The following CD83 variants were observed in gnomAD, a reference collection of about 807,000 sequenced individuals.
The protein encoded by CD83 is CD83 antigen.
In CD83, 22 loss-of-function variants were observed where a neutral mutation model predicts 24.6. The observed-to-expected ratio is 0.90, with a 90% CI of 0.64 to 1.28. The LOEUF is 1.28. Ranked by LOEUF, CD83 falls within the 50% of genes most tolerant of loss-of-function variation. The pLI, the probability that CD83 is intolerant of heterozygous loss-of-function variation, is 0.00. For missense variants in CD83, 253 were observed against 252.8 expected (o/e 1.00, Z -0.01); for synonymous variants, 101 against 103.5 (o/e 0.98, Z 0.14).
rs562968873 is a variant in CD83, at chr6:14,126,970, T to C, written c.154-4550T>C. Among the ~76,000 whole-genome samples, 8 of 152,080 alleles carry C rather than the reference T, an allele frequency of 5.3e-5. No homozygotes were observed. In the South Asian group the frequency reaches 1.7e-3, roughly 32 times the overall value. On this transcript the variant is annotated intron_variant, in intron 2 of 4. Coordinates refer to ENST00000379153, the MANE Select transcript of CD83 (RefSeq NM_004233.4). ...TTTTAGGTAGGTACCTATTGCACAT[T>C]CCCCCCACCCCTGCTTTTATTTTTT...
intron 2 of CD83, among the ~76,000 whole-genome samples, chr6:14,123,097 T>TG (rs1456706933): frequency 1.3e-5 from 2 of 151,264 alleles, no homozygotes; most frequent in African/African-American, 4.8e-5. Flanking sequence ...TTTGTTTGTT[T>TG]TTGTTTTTTT....
At chr6:14,119,295 A>G (rs1297279070) in intron 2 of CD83, among the ~76,000 whole-genome samples, 1 of 152,200 alleles carries the variant, frequency 6.6e-6, no homozygotes, top group Non-Finnish European at 1.5e-5. Flanking sequence ...GGTGTTAAAT[A>G]TTCCTACTTC....
At chr6:14,122,515 C>T (rs886758929) in intron 2 of CD83, among the ~76,000 whole-genome samples, 1 of 152,144 alleles carries the variant, frequency 6.6e-6, no homozygotes, top group African/African-American at 2.4e-5. Flanking sequence ...ACTTACTGTG[C>T]TTCCTTGATT....
chr6:14,132,688 C>T (rs1757943499), intron 3 of CD83, among the ~76,000 whole-genome samples: 1 of 146,964 alleles, frequency 6.8e-6, no homozygotes. Flanking sequence ...TATTAGGGAC[C>T]ATGAGGACAA....
At chr6:14,132,693 G>A (rs1757943558) in intron 3 of CD83, among the ~76,000 whole-genome samples, 1 of 137,234 alleles carries the variant, frequency 7.3e-6, no homozygotes, top group Non-Finnish European at 1.7e-5. Flanking sequence ...GGGACCATGA[G>A]GACAATGGCT....
chr6:14,121,545 G>C lies in CD83; in HGVS notation c.153+3480G>C, dbSNP rs112138126. 9.4e-3 allele frequency among the ~76,000 whole-genome samples: 1,372 copies of C among 145,228 alleles called. 20 individuals carry two copies. Among genetic ancestry groups the C allele is most frequent in the African/African-American group, 0.031 (1,195 of 39,072 alleles). ...CTGTAATCCCAGCATTTTGGGAGGCGAAGATGGGAGGATCACTTGAGCCCA... is the reference window on the plus strand; with the variant it reads ...CTGTAATCCCAGCATTTTGGGAGGCCAAGATGGGAGGATCACTTGAGCCCA... On this transcript the variant is annotated intron_variant, in intron 2 of 4. Transcript: ENST00000379153.
In CD83 at chr6:14,117,941, T is replaced by C. The variant is rs745623724; in HGVS notation, c.38-9T>C. The C allele has an allele frequency of 2.4e-5, 38 of 1,606,148 alleles. No homozygotes were observed. In the Middle Eastern group the frequency reaches 9.9e-4, roughly 42 times the overall value. Reference sequence around the variant, plus strand: ...CGCTTGCTCACGACGCGCTCTCTCTTTCTTGTAGCCTACAGCCTGGCTCCC... The same window carrying C: ...CGCTTGCTCACGACGCGCTCTCTCTCTCTTGTAGCCTACAGCCTGGCTCCC... On this transcript the variant is annotated splice_polypyrimidine_tract_variant and intron_variant, in intron 1 of 4. Coordinates refer to ENST00000379153, the MANE Select transcript of CD83 (RefSeq NM_004233.4). The surrounding 1 kb of genome is among the most constrained non-coding windows in gnomAD (Gnocchi z 4.6).
chr6:14,125,335 T>C (rs1015148010), intron 2 of CD83, among the ~76,000 whole-genome samples: 1 of 152,220 alleles, frequency 6.6e-6, no homozygotes, highest in African/African-American at 2.4e-5. Context: ...AACCTCTACA[T>C]AGCAGCCAGA....
chr6:14,118,236 C>T (rs1044105735), intron 2 of CD83, among the ~76,000 whole-genome samples, 171 bp downstream of exon 2: 1 of 152,172 alleles, frequency 6.6e-6, no homozygotes, highest in African/African-American at 2.4e-5. Context: ...CCACCCCATC[C>T]GCATCCAGGT....
chr6:14,120,400 A>G lies in CD83; in HGVS notation c.153+2335A>G, dbSNP rs149476847. The stretch of plus-strand genomic sequence containing the variant: ...ATGCCAAAATACTTCATTTTACAGA[A>G]TGTTAAGCATCTGGTCATTTTTCTA... On this transcript the variant is annotated intron_variant, in intron 2 of 4. Transcript: ENST00000379153. Among the ~76,000 whole-genome samples, 9 of 152,348 alleles carry G rather than the reference A, an allele frequency of 5.9e-5. No individual in the cohort carries two copies. In the East Asian group the frequency reaches 1.5e-3, roughly 26 times the overall value.
intron 2 of CD83, among the ~76,000 whole-genome samples, chr6:14,124,237 A>G (rs1243667916): frequency 6.6e-6 from 1 of 152,226 alleles, no homozygotes; most frequent in Non-Finnish European, 1.5e-5. Flanking sequence ...TTGGAGGACC[A>G]GTCTACTGCA....
rs768117958 is a variant in CD83, at chr6:14,133,774, C to G, written c.489+19C>G. The G allele has an allele frequency of 8.1e-6, 12 of 1,478,672 alleles. No individual in the cohort carries two copies. The Admixed American group carries it at 8.6e-5, about 11-fold the overall frequency. 91.6% of individuals were successfully genotyped at this position (1,478,672 alleles called of 1,614,324 possible). A position where few individuals can be genotyped will look rare whatever the true frequency, so the allele number is the denominator to read the frequency against. ...CACTTGTGTAAGTATCTTCTTAAAA[C>G]ATCTTCTCTTATTAAAAGATTACCC... On this transcript the variant is annotated intron_variant, in intron 4 of 4. Coordinates refer to ENST00000379153, the MANE Select transcript of CD83 (RefSeq NM_004233.4).
intron 2 of CD83, among the ~76,000 whole-genome samples, chr6:14,130,581 T>G (rs1488611745): frequency 6.6e-6 from 1 of 151,968 alleles, no homozygotes; most frequent in Non-Finnish European, 1.5e-5. Flanking sequence ...CAAATAAAAA[T>G]TAGCCAGGTG....
chr6:14,127,053 A>G (rs1581330207), intron 2 of CD83, among the ~76,000 whole-genome samples: 1 of 151,948 alleles, frequency 6.6e-6, no homozygotes, highest in African/African-American at 2.4e-5. Flanking sequence ...CAATGGCACA[A>G]TCTTGGCTCA....
intron 4 of CD83, among the ~76,000 whole-genome samples, chr6:14,134,473 C>G (rs948314959): frequency 6.6e-6 from 1 of 152,200 alleles, no homozygotes; most frequent in African/African-American, 2.4e-5. Context: ...TGATCTGCCC[C>G]CTTTGTCTCC....
At chr6:14,118,615 C>T (rs979699016) in intron 2 of CD83, among the ~76,000 whole-genome samples, 2 of 152,304 alleles carry the variant, frequency 1.3e-5, no homozygotes, top group Non-Finnish European at 2.9e-5. Flanking sequence ...ATACCCTTGG[C>T]TTCCTCCCCT....
chr6:14,126,068 C>T (rs1295064183), intron 2 of CD83, among the ~76,000 whole-genome samples: 3 of 152,042 alleles, frequency 2.0e-5, no homozygotes, highest in Non-Finnish European at 2.9e-5. Context: ...AGCTCCAGAT[C>T]ACGAAATGGG....
intron 2 of CD83, among the ~76,000 whole-genome samples, chr6:14,124,772 T>G (rs1759746337): frequency 6.6e-6 from 1 of 152,166 alleles, no homozygotes; most frequent in African/African-American, 2.4e-5. Flanking sequence ...CAGTTCACAT[T>G]TCAGTTATGG....
rs555696108 is a variant in CD83 at position 14,124,028 on chromosome 6, G to A, written c.153+5963G>A. 3.3e-5 allele frequency among the ~76,000 whole-genome samples: 5 copies of A among 152,294 alleles called. No homozygotes were observed. In the South Asian group the frequency reaches 1.0e-3, roughly 32 times the overall value. On this transcript the variant is annotated intron_variant, in intron 2 of 4. Coordinates refer to ENST00000379153, the MANE Select transcript of CD83 (RefSeq NM_004233.4). ...TACTCCTGGAATAACCCTAAATTTT[G>A]TATCAACAATCATTAGCTCAAAATA...
Sources: allele counts gnomAD v4.1 joint callset (sites outside exome capture counted in the v4.1 genomes callset), GRCh38; gene constraint gnomAD v4.1.1; non-coding constraint Gnocchi (gnomAD v3.1); transcripts MANE v1.5; gene names NCBI Gene and HGNC (gene_info 2026-07-23, HGNC 2026-07-21).